PAG1: variants seen among roughly 807,000 people sequenced by gnomAD.
PAG1 encodes the protein phosphoprotein membrane anchor with glycosphingolipid microdomains 1.
A neutral mutation model predicts 31.7 loss-of-function variants in PAG1; 23 were observed. The ratio of observed to expected loss-of-function variants is 0.73; its 90% confidence interval spans 0.52 to 1.03. The LOEUF (loss-of-function observed/expected upper bound fraction) is 1.03, where lower values mean the gene tolerates loss of function less well. Ranked by LOEUF, PAG1 falls within the 50% of genes least tolerant of loss-of-function variation. The pLI, the probability that PAG1 is intolerant of heterozygous loss-of-function variation, is 0.00. For synonymous variants in PAG1, 214 were observed against 210.3 expected (o/e 1.02, Z -0.15); for missense variants, 473 against 540.7 (o/e 0.87, Z 1.24).
At chr8:81,016,007 A>T (rs1240614880) in intron 3 of PAG1, among the ~76,000 whole-genome samples, 2 of 152,208 alleles carry the variant, frequency 1.3e-5, no homozygotes, top group East Asian at 3.8e-4. Flanking sequence ...GAATAAGCCC[A>T]CACTAGCCTG....
chr8:81,105,502 A>C (rs1809679880), intron 1 of PAG1, among the ~76,000 whole-genome samples: 1 of 152,188 alleles, frequency 6.6e-6, no homozygotes, highest in Admixed American at 6.5e-5. Flanking sequence ...CTCTGGTTGC[A>C]ATTCCCAACT....
In PAG1 at chr8:80,972,074, A is replaced by G. The variant is rs1258374614; in HGVS notation, c.*4470T>C. The G allele has an allele frequency of 6.6e-6, 1 of 152,270 alleles. No individual in the cohort carries two copies. The highest frequency in any genetic ancestry group is 1.5e-5 in the Non-Finnish European group (1 of 68,044). 9.4% of individuals were successfully genotyped at this position (152,270 alleles called of 1,614,324 possible). On this transcript the variant is annotated 3_prime_UTR_variant, in exon 9 of 9. Transcript: ENST00000220597. ...CTGTAGAATAAGGAATTTAGATTTC[A>G]CTGCAAATAAAGCCATATTTGATAT...
At chr8:81,068,157 A>G (rs1809037601) in intron 2 of PAG1, among the ~76,000 whole-genome samples, 1 of 152,178 alleles carries the variant, frequency 6.6e-6, no homozygotes, top group Admixed American at 6.5e-5. Context: ...TCGGCCTCCT[A>G]GAGTGCTGGG....
intron 2 of PAG1, among the ~76,000 whole-genome samples, chr8:81,054,221 A>C (rs1240510704): frequency 6.6e-6 from 1 of 152,168 alleles, no homozygotes; most frequent in South Asian, 2.1e-4. Context: ...CTGTTCAATA[A>C]GGATATATCC....
At chr8:81,086,020 C>T (rs1455948041) in intron 1 of PAG1, among the ~76,000 whole-genome samples, 2 of 105,162 alleles carry the variant, frequency 1.9e-5, no homozygotes, top group South Asian at 3.3e-4. Flanking sequence ...CTCGCTCTGT[C>T]GCCCAGGCTG....
intron 2 of PAG1, among the ~76,000 whole-genome samples, chr8:81,052,381 C>T (rs1808748244): frequency 6.6e-6 from 1 of 152,034 alleles, no homozygotes; most frequent in Non-Finnish European, 1.5e-5. Context: ...GTAGCCCCCA[C>T]CACTGCATGA....
chr8:81,005,539 T>C (rs186785942), intron 3 of PAG1, among the ~76,000 whole-genome samples: 1 of 152,262 alleles, frequency 6.6e-6, no homozygotes, highest in African/African-American at 2.4e-5. Flanking sequence ...TGCTAATACC[T>C]TGGAGAGCCA....
At chr8:81,111,034 A>T (rs1809764972) in intron 1 of PAG1, among the ~76,000 whole-genome samples, 1 of 152,234 alleles carries the variant, frequency 6.6e-6, no homozygotes, top group Admixed American at 6.5e-5. Flanking sequence ...ATGAATTCAC[A>T]CGCCCAGAGC....
At chr8:81,078,374 G>A (rs1482779136) in intron 1 of PAG1, among the ~76,000 whole-genome samples, 1 of 152,136 alleles carries the variant, frequency 6.6e-6, no homozygotes, top group Non-Finnish European at 1.5e-5. Context: ...CTTCACCAGG[G>A]CAAAATACCT....
intron 7 of PAG1, among the ~76,000 whole-genome samples, chr8:80,981,882 T>TTTTTG (rs1563615071): frequency 1.7e-4 from 23 of 132,144 alleles, no homozygotes; most frequent in African/African-American, 4.5e-4. Flanking sequence ...TTTTTTTTTT[T>TTTTTG]TTTGACAGCG....
chr8:81,111,432 C>T (rs1809771635), intron 1 of PAG1, among the ~76,000 whole-genome samples, 159 bp downstream of exon 1: 1 of 152,212 alleles, frequency 6.6e-6, no homozygotes, highest in Admixed American at 6.5e-5. Context: ...GGACTCCAGA[C>T]CTTCCAGCTG....
At chr8:81,103,872 T>G (rs534651628) in intron 1 of PAG1, among the ~76,000 whole-genome samples, 2 of 152,198 alleles carry the variant, frequency 1.3e-5, no homozygotes, top group African/African-American at 4.8e-5. Flanking sequence ...AGGCACTTCA[T>G]GCACCAACAA....
intron 7 of PAG1, among the ~76,000 whole-genome samples, chr8:80,984,076 A>C (rs1206417550): frequency 6.6e-6 from 1 of 152,186 alleles, no homozygotes; most frequent in Non-Finnish European, 1.5e-5. Flanking sequence ...TCTGTGTAGA[A>C]AACAGAAATT....
intron 2 of PAG1, among the ~76,000 whole-genome samples, chr8:81,037,864 C>A (rs1355769267): frequency 6.6e-6 from 1 of 152,204 alleles, no homozygotes; most frequent in African/African-American, 2.4e-5. Context: ...TTATTCCAGT[C>A]CTTTCCACTC....
In PAG1 at chr8:80,968,550, T is replaced by C. The variant is rs1807011155; in HGVS notation, c.*7994A>G. 1 of 152,234 alleles carries C rather than the reference T, an allele frequency of 6.6e-6. No homozygotes were observed. The highest frequency in any genetic ancestry group is 1.5e-5 in the Non-Finnish European group (1 of 68,026). 9.4% of individuals were successfully genotyped at this position (152,234 alleles called of 1,614,324 possible). ...AATTTTTGAAATACTATGAGCAAGA[T>C]ACAAACATTCTGGGATGGATGGTAG... On this transcript the variant is annotated 3_prime_UTR_variant, in exon 9 of 9. Coordinates refer to ENST00000220597, the MANE Select transcript of PAG1 (RefSeq NM_018440.4).
chr8:81,086,830 G>C (rs1044750333), intron 1 of PAG1, among the ~76,000 whole-genome samples: 1 of 152,152 alleles, frequency 6.6e-6, no homozygotes, highest in Non-Finnish European at 1.5e-5. Flanking sequence ...GTCAGGTTAT[G>C]GTGTGGAGGA....
intron 2 of PAG1, among the ~76,000 whole-genome samples, chr8:81,057,565 G>T (rs1022059971): frequency 3.8e-5 from 5 of 130,634 alleles, no homozygotes; most frequent in Admixed American, 1.6e-4. Flanking sequence ...GGGGCCTGTC[G>T]TGGGGTCGGG....
chr8:81,067,927 T>C (rs1310807842), intron 2 of PAG1, among the ~76,000 whole-genome samples: 1 of 152,212 alleles, frequency 6.6e-6, no homozygotes, highest in Non-Finnish European at 1.5e-5. Context: ...GATTCTGTGT[T>C]CTCTTTGCTT....
At chr8:81,008,054 G>A (rs1044982744) in intron 3 of PAG1, among the ~76,000 whole-genome samples, 2 of 151,462 alleles carry the variant, frequency 1.3e-5, no homozygotes, top group Middle Eastern at 3.4e-3. Context: ...GGGAAAAGAA[G>A]TTAGTATGTA....
Sources: allele counts gnomAD v4.1 joint callset (sites outside exome capture counted in the v4.1 genomes callset), GRCh38; gene constraint gnomAD v4.1.1; transcripts MANE v1.5; gene names NCBI Gene and HGNC (gene_info 2026-07-23, HGNC 2026-07-21).